The following ELOVL7 variants were observed in gnomAD, a reference collection of about 807,000 sequenced individuals.
ELOVL7 encodes the protein ELOVL fatty acid elongase 7, also known as very long chain fatty acid elongase 7.
In ELOVL7, 27 loss-of-function variants were observed where a neutral mutation model predicts 35.7. That is an observed-to-expected ratio of 0.76 (90% CI 0.56 to 1.04). ELOVL7 has a LOEUF of 1.04. ELOVL7 is among the 50% of genes least tolerant of loss of function. The pLI is 0.00. For missense variants in ELOVL7, 327 were observed against 340.8 expected, an observed-to-expected ratio of 0.96 and a Z score of 0.32; for synonymous variants, 113 against 114.6, an observed-to-expected ratio of 0.99 and a Z score of 0.09.
chr5:60,827,434 T>C (rs1746235372), intron 1 of ELOVL7, among the ~76,000 whole-genome samples: 1 of 152,178 alleles, frequency 6.6e-6, no homozygotes, highest in South Asian at 2.1e-4. Flanking sequence ...GACTACCCTA[T>C]AAAAGCTGTC....
intron 1 of ELOVL7, among the ~76,000 whole-genome samples, chr5:60,821,177 T>C (rs1745861029): frequency 6.6e-6 from 1 of 152,204 alleles, no homozygotes; most frequent in Non-Finnish European, 1.5e-5. Flanking sequence ...AGTCACACCA[T>C]GCTCTACTTC....
intron 1 of ELOVL7, among the ~76,000 whole-genome samples, chr5:60,825,988 A>G (rs1383914730): frequency 6.6e-6 from 1 of 152,248 alleles, no homozygotes; most frequent in African/African-American, 2.4e-5. Context: ...TGGGGAAGGA[A>G]TGCCCAGCGG....
intron 1 of ELOVL7, among the ~76,000 whole-genome samples, chr5:60,823,135 GAAGT>G (rs144390364): frequency 0.2 from 30,305 of 151,766 alleles, 3,521 homozygotes; most frequent in Non-Finnish European, 0.26. Context: ...GTGAGGGGAT[GAAGT>G]AATAGAGAGA....
intron 3 of ELOVL7, among the ~76,000 whole-genome samples, chr5:60,772,880 T>G (rs1742682774): frequency 2.6e-5 from 4 of 152,296 alleles, no homozygotes; most frequent in South Asian, 4.2e-4. Context: ...GTTTGCTGCT[T>G]AATTTTTTTC....
At chr5:60,787,607 G>T (rs1340662315) in intron 2 of ELOVL7, 176 bp from the exon 3 acceptor site, 2 of 440,612 alleles carry the variant, frequency 4.5e-6, no homozygotes, top group Non-Finnish European at 8.0e-6. Context: ...TGCAGTTGCA[G>T]ACATTTCGGG....
intron 5 of ELOVL7, 86 bp downstream of exon 5, chr5:60,767,737 T>C: frequency 1.1e-6 from 1 of 939,182 alleles, no homozygotes; most frequent in African/African-American, 1.6e-5. Context: ...CATCTGCTTA[T>C]TCTAAGTTTA....
chr5:60,793,034 G>A (rs1178586733), intron 2 of ELOVL7, among the ~76,000 whole-genome samples: 1 of 152,184 alleles, frequency 6.6e-6, no homozygotes, highest in Non-Finnish European at 1.5e-5. Context: ...CAGAGAGCTG[G>A]AGCAGGGAGT....
chr5:60,806,488 C>G lies in ELOVL7; in HGVS notation c.-85-7258G>C, dbSNP rs142484111. Among the ~76,000 whole-genome samples the G allele has an allele frequency of 5.6e-3, 856 of 151,978 alleles. 5 individuals carry two copies. The highest frequency in any genetic ancestry group is 0.019 in the African/African-American group (801 of 41,422). On this transcript the variant is annotated intron_variant, in intron 1 of 8. Transcript: ENST00000508821. ...CAAAGGGCAGCACTCAGGGGACACC[C>G]ATGTTTAGGAATCAGGAAGAGCAGC...
chr5:60,771,444 C>T (rs1742584586), intron 4 of ELOVL7, among the ~76,000 whole-genome samples: 1 of 152,152 alleles, frequency 6.6e-6, no homozygotes, highest in Non-Finnish European at 1.5e-5. Flanking sequence ...GCTAAACTAA[C>T]CAAAACAGTC....
intron 1 of ELOVL7, among the ~76,000 whole-genome samples, chr5:60,830,573 A>G (rs1186092308): frequency 6.6e-6 from 1 of 151,790 alleles, no homozygotes; most frequent in Non-Finnish European, 1.5e-5. Context: ...TCTAGGTACA[A>G]GAGGAAACCA....
chr5:60,792,423 C>T (rs6873181), intron 2 of ELOVL7, among the ~76,000 whole-genome samples: 86,907 of 151,382 alleles, frequency 0.57, 25,597 homozygotes, highest in East Asian at 0.89. Context: ...GCCAATGTTA[C>T]ATTGTAGGGA....
chr5:60,815,646 C>A (rs1169515591), intron 1 of ELOVL7, among the ~76,000 whole-genome samples: 1 of 151,974 alleles, frequency 6.6e-6, no homozygotes, highest in Non-Finnish European at 1.5e-5. Context: ...CAGCTCACTG[C>A]AACCTCTGCC....
At chr5:60,828,582 T>C (rs913827823) in intron 1 of ELOVL7, among the ~76,000 whole-genome samples, 2 of 152,162 alleles carry the variant, frequency 1.3e-5, no homozygotes, top group African/African-American at 4.8e-5. Flanking sequence ...ACTTTTTCCC[T>C]GCGCTAAGCC....
At chr5:60,809,606 CA>C (rs1745132855) in intron 1 of ELOVL7, among the ~76,000 whole-genome samples, 1 of 152,134 alleles carries the variant, frequency 6.6e-6, no homozygotes, top group Non-Finnish European at 1.5e-5. Context: ...GAGTGAAGGA[CA>C]GATTTATTTC....
chr5:60,829,168 CA>C (rs35061839), intron 1 of ELOVL7, among the ~76,000 whole-genome samples: 3 of 149,848 alleles, frequency 2.0e-5, no homozygotes. Context: ...TTAGAGCTTT[CA>C]AAAAAAAAGC....
chr5:60,814,942 C>T (rs1745436902), intron 1 of ELOVL7, among the ~76,000 whole-genome samples: 2 of 152,150 alleles, frequency 1.3e-5, no homozygotes, highest in South Asian at 4.1e-4. Flanking sequence ...TCCTAAAATC[C>T]CTATCCCATG....
At chr5:60,840,726 T>C (rs1036486274) in intron 1 of ELOVL7, among the ~76,000 whole-genome samples, 1 of 152,196 alleles carries the variant, frequency 6.6e-6, no homozygotes, top group South Asian at 2.1e-4. Flanking sequence ...ACAGCATGTA[T>C]TGAGAACCAT....
At chr5:60,775,813 T>C (rs2112195863) in intron 3 of ELOVL7, among the ~76,000 whole-genome samples, 1 of 152,254 alleles carries the variant, frequency 6.6e-6, no homozygotes, top group East Asian at 1.9e-4. Flanking sequence ...CCTACCACCA[T>C]ACACAAAAAT....
At chr5:60,772,924 A>G (rs1742685506) in intron 3 of ELOVL7, among the ~76,000 whole-genome samples, 1 of 152,168 alleles carries the variant, frequency 6.6e-6, no homozygotes, top group African/African-American at 2.4e-5. Flanking sequence ...TTCCACATAT[A>G]CTGTATCACA....
Sources: allele counts gnomAD v4.1 joint callset (sites outside exome capture counted in the v4.1 genomes callset), GRCh38; gene constraint gnomAD v4.1.1; transcripts MANE v1.5; gene names NCBI Gene and HGNC (gene_info 2026-07-23, HGNC 2026-07-21).